FAS: variants seen among roughly 807,000 people sequenced by gnomAD.
FAS encodes tumor necrosis factor receptor superfamily member 6.
A neutral mutation model predicts 33.2 loss-of-function variants in FAS; 5 were observed. That is an observed-to-expected ratio of 0.15 (90% CI 0.08 to 0.32). The LOEUF (loss-of-function observed/expected upper bound fraction) is 0.32, where lower values mean the gene tolerates loss of function less well. Ranked by LOEUF, FAS falls within the 10% of genes least tolerant of loss-of-function variation. The probability of loss-of-function intolerance (pLI) is 1.00; values close to 1 mark genes in which losing one functional copy is unlikely to be tolerated. For synonymous variants in FAS, 131 were observed against 130.7 expected (o/e 1.00, Z -0.01); for missense variants, 339 against 386.0 (o/e 0.88, Z 1.02).
At position 89,016,628 on chromosome 10, in the gene FAS, A is replaced by G. The variant is rs1043792156; in HGVS notation, c.*2178A>G. On this transcript the variant is annotated 3_prime_UTR_variant, in exon 9 of 9. Transcript: ENST00000652046. The stretch of plus-strand genomic sequence containing the variant: ...AAGCATGACTTCTCCCATGTCAATG[A>G]GCACAGCCACATTCCCGAGTTGAGG... 8.9e-6 allele frequency: 2 copies of G among 224,182 alleles called. No homozygotes were observed. The highest frequency in any genetic ancestry group is 2.2e-5 in the African/African-American group (1 of 44,762). The allele number at this position is 224,182 out of a possible 1,614,324, so 13.9% of individuals were successfully genotyped here.
upstream of FAS, among the ~76,000 whole-genome samples, chr10:88,985,845 C>T (rs550018417): frequency 2.2e-4 from 33 of 152,224 alleles, no homozygotes; most frequent in Non-Finnish European, 4.1e-4. Context: ...AGAGAGAAAG[C>T]GCTGCCATGC....
chr10:89,014,344 C>A lies in FAS; in HGVS notation c.902C>A (p.Ala301Asp), dbSNP rs2119447676. Residue 301 changes from alanine (A) to aspartate (D), a missense_variant, in exon 9 of 9, where the codon GCC becomes GAC. Ala to Asp is a moderately radical substitution (Grantham distance 126). Transcript: ENST00000652046. ...YDTLIKDLKK[A>D]NLCTLAEKIQ... ...ACATTGATTAAAGATCTCAAAAAAG[C>A]CAATCTTTGTACTCTTGCAGAGAAA... is the stretch of plus-strand genomic sequence containing the variant. 1 of 1,613,810 alleles carries A rather than the reference C, an allele frequency of 6.2e-7. No individual in the cohort carries two copies. The highest frequency in any genetic ancestry group is 1.7e-5 in the Admixed American group (1 of 60,012).
At position 89,014,841 on chromosome 10, in the gene FAS, C is replaced by G. The variant is rs1467618725; in HGVS notation, c.*391C>G. ...ATGAATCAATAGAAGAAGCTATGAC[C>G]TTTTGCTGAAATATCAGTTACTGAA... On this transcript the variant is annotated 3_prime_UTR_variant, in exon 9 of 9. Coordinates refer to ENST00000652046, the MANE Select transcript of FAS (RefSeq NM_000043.6). 1 of 540,856 alleles carries G rather than the reference C, an allele frequency of 1.8e-6. No individual in the cohort carries two copies. Among genetic ancestry groups the G allele is most frequent in the South Asian group, 1.5e-5 (1 of 65,218 alleles). 33.5% of individuals were successfully genotyped at this position (540,856 alleles called of 1,614,324 possible).
At chr10:88,983,470 G>A (rs573096463), upstream of FAS, among the ~76,000 whole-genome samples, 2 of 152,194 alleles carry the variant, frequency 1.3e-5, no homozygotes, top group Admixed American at 6.5e-5. Flanking sequence ...TTCAGCATAG[G>A]CTTTGGAAGT....
chr10:89,010,042 C>T (rs1564694248), intron 4 of FAS, among the ~76,000 whole-genome samples: 1 of 152,128 alleles, frequency 6.6e-6, no homozygotes, highest in Non-Finnish European at 1.5e-5. Context: ...ACACATGAAC[C>T]TCTTGAGTCT....
chr10:88,974,273 C>T (rs2133331161), intron 2 of FAS: 1 of 151,870 alleles, frequency 6.6e-6, no homozygotes, highest in East Asian at 1.9e-4. Flanking sequence ...ATCAGGCTCT[C>T]AAGGACTCAA....
chr10:88,976,371 C>G (rs754636603), intron 2 of FAS, among the ~76,000 whole-genome samples: 1 of 151,970 alleles, frequency 6.6e-6, no homozygotes, highest in South Asian at 2.1e-4. Flanking sequence ...ATCACAAATG[C>G]CAGAGTAAAC....
intron 1 of FAS, among the ~76,000 whole-genome samples, chr10:88,966,147 G>A (rs957452465): frequency 1.3e-5 from 2 of 152,166 alleles, no homozygotes; most frequent in African/African-American, 4.8e-5. Flanking sequence ...ATTTAAACAA[G>A]AGCCACACAG....
intron 2 of FAS, among the ~76,000 whole-genome samples, chr10:88,979,689 A>C (rs1416426252): frequency 6.6e-6 from 1 of 152,086 alleles, no homozygotes; most frequent in Non-Finnish European, 1.5e-5. Context: ...TGATCCTCCT[A>C]TCAAAAATCA....
At chr10:88,991,014 G>A in intron 1 of FAS, 108 bp downstream of exon 1, 2 of 1,489,972 alleles carry the variant, frequency 1.3e-6, no homozygotes, top group South Asian at 1.1e-5. Context: ...AGCGGCGCAC[G>A]CGGGCACCTG....
upstream of FAS, among the ~76,000 whole-genome samples, chr10:88,989,981 C>T (rs1261471907): frequency 6.6e-6 from 1 of 151,742 alleles, no homozygotes; most frequent in Non-Finnish European, 1.5e-5. Flanking sequence ...CACCAGAGCA[C>T]GAAAGAATTA....
At chr10:88,989,259 T>C (rs368508957), upstream of FAS, among the ~76,000 whole-genome samples, 9 of 152,144 alleles carry the variant, frequency 5.9e-5, no homozygotes, top group Admixed American at 1.3e-4. Context: ...TCCTTTCCCC[T>C]TTTTTTCTCT....
At chr10:89,009,051 AT>A in intron 4 of FAS, 54 bp downstream of exon 4, 1 of 1,458,018 alleles carries the variant, frequency 6.9e-7, no homozygotes, top group Non-Finnish European at 9.6e-7. Flanking sequence ...GAGAGTTATC[AT>A]TTTCCTAGGG....
At chr10:88,988,279 T>C (rs540897564), upstream of FAS, among the ~76,000 whole-genome samples, 118 of 152,340 alleles carry the variant, frequency 7.7e-4, no homozygotes, top group African/African-American at 2.7e-3. Flanking sequence ...TAAACAGTCA[T>C]GGATATACAC....
intron 8 of FAS, among the ~76,000 whole-genome samples, chr10:89,013,911 G>A (rs1418652835): frequency 6.6e-6 from 1 of 152,100 alleles, no homozygotes; most frequent in Non-Finnish European, 1.5e-5. Context: ...TTGTGGCCCA[G>A]GTTATTTAAC....
chr10:88,985,919 T>C (rs1311120433), upstream of FAS, among the ~76,000 whole-genome samples: 2 of 152,232 alleles, frequency 1.3e-5, no homozygotes, highest in African/African-American at 4.8e-5. Flanking sequence ...ACAATTTTTA[T>C]TGGCATGCAG....
chr10:89,009,509 A>G (rs1402794780), intron 4 of FAS, among the ~76,000 whole-genome samples: 1 of 152,234 alleles, frequency 6.6e-6, no homozygotes, highest in Non-Finnish European at 1.5e-5. Context: ...TCAGGAAAAC[A>G]GAATACCTGG....
At chr10:88,983,225 C>T (rs10887875), upstream of FAS, among the ~76,000 whole-genome samples, 41,810 of 152,006 alleles carry the variant, frequency 0.28, 6,124 homozygotes, top group Non-Finnish European at 0.32. Context: ...ACATAAACAG[C>T]AAAAATTCTT....
intron 1 of FAS, among the ~76,000 whole-genome samples, chr10:89,000,828 T>C (rs750833305): frequency 6.6e-6 from 1 of 152,122 alleles, no homozygotes; most frequent in Non-Finnish European, 1.5e-5. Context: ...GGGAGCATCT[T>C]CTGAGGTCAG....
Sources: gnomAD v4.1 joint callset for allele counts (sites outside exome capture counted in the v4.1 genomes callset) on GRCh38, gnomAD v4.1.1 for gene constraint, MANE v1.5 for transcripts, NCBI Gene and HGNC (gene_info 2026-07-23, HGNC 2026-07-21) for gene names.